Variants in RBFOX1 observed in about 807,000 individuals in gnomAD.
The protein encoded by RBFOX1 is RNA binding fox-1 homolog 1, also known as RNA binding protein fox-1 homolog 1.
RBFOX1 carries 8 observed loss-of-function variants against 57.7 expected under a neutral mutation model. The observed-to-expected ratio is 0.14, with a 90% CI of 0.08 to 0.25. The LOEUF is 0.25. Among genes scored for constraint, RBFOX1 ranks in the 10% least tolerant of loss-of-function variants. The pLI is 1.00. For synonymous variants in RBFOX1, 326 were observed against 222.4 expected, an observed-to-expected ratio of 1.47 and a Z score of -4.15; for missense variants, 611 against 548.5, an observed-to-expected ratio of 1.11 and a Z score of -1.14.
At chr16:6,704,712 G>A (rs374966432) in intron 3 of RBFOX1, 9 of 152,138 alleles carry the variant, frequency 5.9e-5, no homozygotes, top group African/African-American at 1.9e-4. Context: ...GGAACATTCA[G>A]TATTGCAGAA....
intron 1 of RBFOX1, among the ~76,000 whole-genome samples, chr16:6,214,712 A>G (rs2152861112): frequency 9.4e-6 from 1 of 106,674 alleles, no homozygotes; most frequent in African/African-American, 3.6e-5. Context: ...AGAGGGAAAG[A>G]GGGAGAAGGA....
chr16:5,556,041 A>C (rs1039489663), intron 2 of RBFOX1, among the ~76,000 whole-genome samples: 5 of 152,028 alleles, frequency 3.3e-5, no homozygotes, highest in Admixed American at 2.6e-4. Context: ...ACAAACAAAC[A>C]AACAAAGACA....
intron 2 of RBFOX1, among the ~76,000 whole-genome samples, chr16:6,380,288 C>T (rs1472627706): frequency 6.6e-6 from 1 of 151,442 alleles, no homozygotes; most frequent in South Asian, 2.1e-4. Flanking sequence ...GACTGATGTT[C>T]TCCTTGGAAA....
At chr16:5,786,284 CTT>C (rs1483430990) in intron 3 of RBFOX1, among the ~76,000 whole-genome samples, 1 of 152,164 alleles carries the variant, frequency 6.6e-6, no homozygotes, top group Non-Finnish European at 1.5e-5. Flanking sequence ...CAGCTTGTCT[CTT>C]AGCTCTGGGA....
intron 1 of RBFOX1, among the ~76,000 whole-genome samples, chr16:5,420,479 C>G (rs1388340917): frequency 6.6e-6 from 1 of 152,122 alleles, no homozygotes; most frequent in Non-Finnish European, 1.5e-5. Flanking sequence ...CATGTACACA[C>G]AGACTGCATC....
chr16:5,444,857 T>C (rs2068194355), intron 1 of RBFOX1, among the ~76,000 whole-genome samples: 1 of 152,208 alleles, frequency 6.6e-6, no homozygotes, highest in Non-Finnish European at 1.5e-5. Context: ...TAGCTGAATA[T>C]CAGCACTTTG....
Position 6,508,312 on chromosome 16 carries a change from A to G in RBFOX1, c.-63-146291A>G, listed in dbSNP as rs553754876. On this transcript the variant is annotated intron_variant, in intron 2 of 15. Transcript: ENST00000550418. ...GGAATAATCTGTACAACAAAACCCT[A>G]TGACACAAGTTACCTATGTAACAAA... Among the ~76,000 whole-genome samples the G allele has an allele frequency of 8.5e-5, 13 of 152,278 alleles. No individual in the cohort carries two copies. The East Asian group carries it at 9.7e-4, about 11-fold the overall frequency.
intron 3 of RBFOX1, among the ~76,000 whole-genome samples, chr16:5,641,638 C>T (rs1477194721): frequency 6.6e-6 from 1 of 152,164 alleles, no homozygotes; most frequent in Non-Finnish European, 1.5e-5. Flanking sequence ...CCTGGCACTG[C>T]AGTGGCCTGG....
intron 2 of RBFOX1, among the ~76,000 whole-genome samples, chr16:6,627,731 C>A (rs80116430): frequency 6.6e-6 from 1 of 152,180 alleles, no homozygotes; most frequent in African/African-American, 2.4e-5. Context: ...CATCCCCCCT[C>A]TGAGGCCGGA....
At chr16:5,286,132 C>G (rs576894626) in intron 1 of RBFOX1, among the ~76,000 whole-genome samples, 13 of 152,302 alleles carry the variant, frequency 8.5e-5, no homozygotes, top group Admixed American at 2.6e-4. Context: ...GCCAGGAAGT[C>G]TTGTCCTTCG....
At chr16:6,102,603 C>G (rs1051180040) in intron 1 of RBFOX1, among the ~76,000 whole-genome samples, 2 of 152,102 alleles carry the variant, frequency 1.3e-5, no homozygotes, top group East Asian at 3.9e-4. Flanking sequence ...CCACGTCTTC[C>G]CTCTCCCTCT....
chr16:6,614,244 T>C (rs1793171438), intron 2 of RBFOX1, among the ~76,000 whole-genome samples: 1 of 152,192 alleles, frequency 6.6e-6, no homozygotes, highest in Non-Finnish European at 1.5e-5. Flanking sequence ...AGTAAGGATG[T>C]CTGAAATGGA....
chr16:5,437,889 CGTT>C (rs1198597952), intron 1 of RBFOX1, among the ~76,000 whole-genome samples: 1 of 152,000 alleles, frequency 6.6e-6, no homozygotes, highest in African/African-American at 2.4e-5. Flanking sequence ...TAAGACATAT[CGTT>C]GTTGATTGGC....
chr16:7,105,452 A>C (rs374681702), intron 4 of RBFOX1, among the ~76,000 whole-genome samples: 1 of 151,958 alleles, frequency 6.6e-6, no homozygotes, highest in Admixed American at 6.6e-5. Context: ...ACTGCACCCA[A>C]TTTGTAGTCT....
intron 2 of RBFOX1, among the ~76,000 whole-genome samples, chr16:6,558,529 A>G (rs1599793384): frequency 6.6e-6 from 1 of 152,128 alleles, no homozygotes; most frequent in African/African-American, 2.4e-5. Flanking sequence ...CAGCCTCCTG[A>G]TGTAGAACTT....
intron 4 of RBFOX1, among the ~76,000 whole-genome samples, chr16:7,339,297 A>T (rs549942143): frequency 1.3e-5 from 2 of 152,324 alleles, no homozygotes; most frequent in African/African-American, 4.8e-5. Context: ...GCTGTGAACT[A>T]GGACTAGGTG....
chr16:6,280,054 G>A (rs1483090083), intron 1 of RBFOX1, among the ~76,000 whole-genome samples: 2 of 151,998 alleles, frequency 1.3e-5, no homozygotes, highest in African/African-American at 4.8e-5. Context: ...ATTAAAACAC[G>A]ATTCATCCTA....
chr16:5,876,204 A>T (rs1039212097), intron 4 of RBFOX1, among the ~76,000 whole-genome samples: 4 of 152,132 alleles, frequency 2.6e-5, no homozygotes, highest in African/African-American at 9.7e-5. Flanking sequence ...ATGGGGGGAA[A>T]AACAGCTAAC....
intron 3 of RBFOX1, among the ~76,000 whole-genome samples, chr16:5,671,841 A>T (rs1234356185): frequency 6.6e-6 from 1 of 152,180 alleles, no homozygotes; most frequent in Non-Finnish European, 1.5e-5. Flanking sequence ...TCTCCATCCA[A>T]GTTGCAGTGT....
Sources: allele counts gnomAD v4.1 joint callset (sites outside exome capture counted in the v4.1 genomes callset), GRCh38; gene constraint gnomAD v4.1.1; transcripts MANE v1.5; gene names NCBI Gene and HGNC (gene_info 2026-07-23, HGNC 2026-07-21).